The following KIF24 variants were observed in gnomAD, a reference collection of about 807,000 sequenced individuals.
The protein encoded by KIF24 is kinesin-like protein KIF24.
A neutral mutation model predicts 118.9 loss-of-function variants in KIF24; 81 were observed. That is an observed-to-expected ratio of 0.68 (90% CI 0.57 to 0.82). KIF24 has a LOEUF of 0.82. Ranked by LOEUF, KIF24 falls within the 40% of genes least tolerant of loss-of-function variation. KIF24 has a pLI of 0.00. For synonymous variants in KIF24, 599 were observed against 610.0 expected, an observed-to-expected ratio of 0.98 and a Z score of 0.27; for missense variants, 1,560 against 1,661.6, an observed-to-expected ratio of 0.94 and a Z score of 1.06.
chr9:34,295,361 C>T (rs992253623), intron 4 of KIF24, among the ~76,000 whole-genome samples: 5 of 152,008 alleles, frequency 3.3e-5, no homozygotes, highest in Non-Finnish European at 7.4e-5. Context: ...GTGCACATCA[C>T]CATGCCTGGC....
chr9:34,287,355 T>C (rs958201910), intron 5 of KIF24, among the ~76,000 whole-genome samples: 2 of 152,194 alleles, frequency 1.3e-5, no homozygotes, highest in African/African-American at 4.8e-5. Context: ...TTATTTGCAA[T>C]GTAAAGAGAC....
At chr9:34,305,790 G>A (rs1836890805) in intron 3 of KIF24, among the ~76,000 whole-genome samples, 1 of 152,070 alleles carries the variant, frequency 6.6e-6, no homozygotes, top group Admixed American at 6.6e-5. Flanking sequence ...CTTTTCTGGA[G>A]AGACAGGATC....
At chr9:34,289,233 A>T (rs1836163869) in intron 5 of KIF24, among the ~76,000 whole-genome samples, 1 of 152,036 alleles carries the variant, frequency 6.6e-6, no homozygotes, top group South Asian at 2.1e-4. Context: ...GCTACTCAGT[A>T]CCCTACTGAC....
intron 1 of KIF24, among the ~76,000 whole-genome samples, chr9:34,319,950 T>C (rs1837460535): frequency 6.6e-6 from 1 of 152,144 alleles, no homozygotes; most frequent in South Asian, 2.1e-4. Flanking sequence ...CCTCAATCAG[T>C]GTTCATATTT....
At chr9:34,286,370 A>T (rs1284958340) in intron 6 of KIF24, among the ~76,000 whole-genome samples, 1 of 152,154 alleles carries the variant, frequency 6.6e-6, no homozygotes, top group Non-Finnish European at 1.5e-5. Context: ...AAACTGGCCC[A>T]GTAGTATCCT....
At chr9:34,319,320 CA>C in intron 1 of KIF24, 1 of 923,064 alleles carries the variant, frequency 1.1e-6, no homozygotes, top group Non-Finnish European at 1.8e-6. Flanking sequence ...TCTCCTTGCC[CA>C]AGCGGGTGGT....
intron 10 of KIF24, among the ~76,000 whole-genome samples, chr9:34,258,587 G>C (rs948924362): frequency 2.6e-5 from 4 of 152,248 alleles, no homozygotes; most frequent in South Asian, 4.1e-4. Flanking sequence ...GGACAGGCCA[G>C]AGACGCCAGT....
At chr9:34,332,438 G>C (rs1316276620), upstream of KIF24, among the ~76,000 whole-genome samples, 4 of 152,158 alleles carry the variant, frequency 2.6e-5, no homozygotes, top group East Asian at 7.7e-4. Context: ...TAAATCTCTA[G>C]GAAGTTGGTG....
At chr9:34,299,806 GT>G (rs1836626875) in intron 3 of KIF24, among the ~76,000 whole-genome samples, 1 of 72,424 alleles carries the variant, frequency 1.4e-5, no homozygotes, top group Admixed American at 1.7e-4. Flanking sequence ...CTACCAAGAT[GT>G]GTGTGTGTGT....
chr9:34,300,513 GC>G (rs1836658764), intron 3 of KIF24, among the ~76,000 whole-genome samples: 1 of 151,528 alleles, frequency 6.6e-6, no homozygotes, highest in Non-Finnish European at 1.5e-5. Context: ...GGATTACAGT[GC>G]CCACCACCAT....
Position 34,322,466 on chromosome 9 carries a change from G to A in KIF24, c.-26+6640C>T, listed in dbSNP as rs978142053. 5.9e-5 allele frequency among the ~76,000 whole-genome samples: 9 copies of A among 151,786 alleles called. No homozygotes were observed. In the East Asian group the frequency reaches 1.2e-3, roughly 20 times the overall value. On this transcript the variant is annotated intron_variant, in intron 1 of 12. Transcript: ENST00000402558. Reference sequence around the variant, plus strand: ...AATCCTCCTGCCTTGGCCTCCTAAAGTGCTAGGACAGGCATGAGCCACTGC... The same window carrying A: ...AATCCTCCTGCCTTGGCCTCCTAAAATGCTAGGACAGGCATGAGCCACTGC...
intron 1 of KIF24, among the ~76,000 whole-genome samples, chr9:34,313,934 T>C (rs1442784009): frequency 1.3e-5 from 2 of 150,660 alleles, no homozygotes; most frequent in Non-Finnish European, 3.0e-5. Flanking sequence ...TTTTTTTTTT[T>C]TGTAGAGAAA....
At chr9:34,321,318 A>AT (rs1837512208) in intron 1 of KIF24, among the ~76,000 whole-genome samples, 1 of 152,160 alleles carries the variant, frequency 6.6e-6, no homozygotes. Context: ...GCAAAAAAAA[A>AT]CCGAGGACTC....
chr9:34,294,082 T>C (rs1011354049), intron 4 of KIF24, among the ~76,000 whole-genome samples: 4 of 152,100 alleles, frequency 2.6e-5, no homozygotes, highest in Non-Finnish European at 4.4e-5. Context: ...ACCTTCCAAG[T>C]AGCTGGGACT....
intron 10 of KIF24, among the ~76,000 whole-genome samples, chr9:34,258,482 GAGAA>G (rs1305759135): frequency 1.3e-5 from 2 of 152,064 alleles, no homozygotes; most frequent in African/African-American, 4.8e-5. Flanking sequence ...AAAAACAAAC[GAGAA>G]AGAACAGTGT....
intron 4 of KIF24, 34 bp downstream of exon 4, chr9:34,296,982 TA>T (rs1461739462): frequency 4.5e-6 from 5 of 1,105,944 alleles, no homozygotes; most frequent in Admixed American, 2.4e-5. Context: ...AAATAGAAAA[TA>T]AAAAGCAAAA....
At chr9:34,297,173 T>C (rs769091786) in intron 3 of KIF24, 59 bp from the exon 4 acceptor site, 134 of 1,025,490 alleles carry the variant, frequency 1.3e-4, no homozygotes, top group Middle Eastern at 2.3e-4. Context: ...TTAATCACTA[T>C]TCTAGTTAAC....
At chr9:34,329,386 C>G (rs1306008909), upstream of KIF24, 2 of 152,232 alleles carry the variant, frequency 1.3e-5, no homozygotes, top group Non-Finnish European at 2.9e-5. Context: ...CTGAAGAAAC[C>G]GTGGGCGTAA....
intron 1 of KIF24, among the ~76,000 whole-genome samples, chr9:34,322,001 T>C (rs1837541124): frequency 6.6e-6 from 1 of 152,160 alleles, no homozygotes; most frequent in Non-Finnish European, 1.5e-5. Flanking sequence ...GCCTATAATA[T>C]TTGGTCCATG....
Sources: gnomAD v4.1 joint callset for allele counts (sites outside exome capture counted in the v4.1 genomes callset) on GRCh38, gnomAD v4.1.1 for gene constraint, MANE v1.5 for transcripts, NCBI Gene and HGNC (gene_info 2026-07-23, HGNC 2026-07-21) for gene names.